EPB41L3: variants seen among roughly 807,000 people sequenced by gnomAD.
EPB41L3 encodes erythrocyte membrane protein band 4.1 like 3.
In EPB41L3, 57 loss-of-function variants were observed where a neutral mutation model predicts 127.1. The ratio of observed to expected loss-of-function variants is 0.45; its 90% CI spans 0.36 to 0.56. EPB41L3 has a LOEUF of 0.56. EPB41L3 is among the 20% of genes least tolerant of loss of function. EPB41L3 has a pLI of 0.00. For synonymous variants in EPB41L3, 572 were observed against 549.5 expected (o/e 1.04, Z -0.57); for missense variants, 1,273 against 1,372.2 (o/e 0.93, Z 1.14).
At chr18:5,407,611 T>A in intron 15 of EPB41L3, 90 bp downstream of exon 15, 1 of 1,376,586 alleles carries the variant, frequency 7.3e-7, no homozygotes, top group South Asian at 1.2e-5. Context: ...CAGAGCATGC[T>A]GAAAGATCTG....
At chr18:5,454,184 G>A (rs1370369642) in intron 3 of EPB41L3, among the ~76,000 whole-genome samples, 2 of 149,308 alleles carry the variant, frequency 1.3e-5, no homozygotes, top group Non-Finnish European at 3.0e-5. Flanking sequence ...TTTAAGCGGA[G>A]AGTGTGTTTT....
rs547443575 is a variant in EPB41L3 at position 5,407,601 on chromosome 18, C to T, written c.2157+100G>A. 6.5e-5 allele frequency: 82 copies of T among 1,264,460 alleles called. No individual in the cohort carries two copies. In the East Asian group the frequency reaches 9.9e-4, roughly 15 times the overall value. 78.3% of individuals were successfully genotyped at this position (1,264,460 alleles called of 1,614,324 possible). ...GCACCAACAACATGGTAACCAGCTA[C>T]AGAGCATGCTGAAAGATCTGAACGC... On this transcript the variant is annotated intron_variant, in intron 15 of 22. Coordinates refer to ENST00000341928, the MANE Select transcript of EPB41L3 (RefSeq NM_012307.5).
rs111274175 is a variant in EPB41L3 at position 5,416,319 on chromosome 18, G to A, written c.1566C>T (p.Pro522=). The stretch of plus-strand genomic sequence containing the variant: ...TCCTACGGAGCTCTGTGGGAGATGT[G>A]GGGGCACAATGGGTGGATGGGGGTG... ...PLSPPSTHCA[P]TSPTELRRRC... Residue 522 remains proline, a synonymous_variant, in exon 13 of 23, where the codon CCC becomes CCT. Coordinates refer to ENST00000341928, the MANE Select transcript of EPB41L3 (RefSeq NM_012307.5). The A allele has an allele frequency of 1.6e-3, 2,502 of 1,614,012 alleles. 25 individuals carry two copies. The African/African-American group carries it at 0.026, about 17-fold the overall frequency.
At position 5,489,155 on chromosome 18, in the gene EPB41L3, T is replaced by A. The variant is rs1428045848; in HGVS notation, c.29A>T (p.Glu10Val). MTTESGSDS[E>V]SKPDQEAEPQ... The stretch of plus-strand genomic sequence containing the variant: ...CTCGGCCTCCTGGTCCGGCTTGGAT[T>A]CCGAGTCTGATCCAGATTCGGTCGT... Residue 10 changes from glutamate to valine, a missense_variant, in exon 2 of 23, where the codon GAA becomes GTA. Glu to Val is a moderately radical substitution (Grantham distance 121). This residue lies in a region of EPB41L3 where 182 missense variants were observed against 149.2 expected (regional missense o/e 1.22). Coordinates refer to ENST00000341928, the MANE Select transcript of EPB41L3 (RefSeq NM_012307.5). 2 of 1,597,422 alleles carry A rather than the reference T, an allele frequency of 1.3e-6. No individual in the cohort carries two copies. The highest frequency in any genetic ancestry group is 2.3e-5 in the East Asian group (1 of 43,818).
intron 1 of EPB41L3, among the ~76,000 whole-genome samples, chr18:5,525,696 T>C (rs562187350): frequency 3.5e-4 from 53 of 152,356 alleles, no homozygotes; most frequent in African/African-American, 1.3e-3. Flanking sequence ...TTATGTAATA[T>C]ATGAAATGAG....
At chr18:5,396,994 A>G (rs1479367918) in intron 18 of EPB41L3, 64 bp downstream of exon 18, 3 of 1,495,360 alleles carry the variant, frequency 2.0e-6, no homozygotes, top group East Asian at 4.5e-5. Context: ...ATGCTGATCT[A>G]AATTTCCAGG....
At chr18:5,423,354 T>C (rs376782025) in intron 11 of EPB41L3, 24 bp downstream of exon 11, 133 of 1,580,708 alleles carry the variant, frequency 8.4e-5, no homozygotes, top group Non-Finnish European at 1.1e-4. Flanking sequence ...ACTAGGTTAT[T>C]AAGGGCCAGT....
intron 3 of EPB41L3, among the ~76,000 whole-genome samples, chr18:5,451,987 C>T (rs57638823): frequency 1.4e-3 from 213 of 152,200 alleles, no homozygotes; most frequent in African/African-American, 4.8e-3. Flanking sequence ...TACACCTGCC[C>T]GCCACCACGT....
At chr18:5,464,542 T>C (rs2084613591) in intron 3 of EPB41L3, among the ~76,000 whole-genome samples, 1 of 152,196 alleles carries the variant, frequency 6.6e-6, no homozygotes, top group Admixed American at 6.5e-5. Context: ...TGTCCCAACA[T>C]GAAAATGAGT....
chr18:5,405,603 A>G (rs940504272), intron 16 of EPB41L3, among the ~76,000 whole-genome samples: 1 of 152,080 alleles, frequency 6.6e-6, no homozygotes, highest in African/African-American at 2.4e-5. Context: ...CAGCCTGACC[A>G]ACATGTTGAA....
At chr18:5,441,000 C>T (rs901592254) in intron 5 of EPB41L3, among the ~76,000 whole-genome samples, 2 of 152,258 alleles carry the variant, frequency 1.3e-5, no homozygotes, top group East Asian at 3.9e-4. Context: ...CCTCAGCCTC[C>T]CTAGTAGCCA....
At chr18:5,629,022 C>G (rs1385624017), upstream of EPB41L3, 1 of 152,228 alleles carries the variant, frequency 6.6e-6, no homozygotes, top group African/African-American at 2.4e-5. Flanking sequence ...CCCCCAGCGT[C>G]GCCTTCTCGG....
intron 1 of EPB41L3, among the ~76,000 whole-genome samples, chr18:5,533,960 C>T (rs1308271762): frequency 2.6e-5 from 4 of 152,176 alleles, no homozygotes; most frequent in Middle Eastern, 3.4e-3. Context: ...GTCAGGAGAT[C>T]GAGACCAGCC....
chr18:5,561,521 A>G (rs905257524), intron 3 of EPB41L3, among the ~76,000 whole-genome samples: 1 of 152,142 alleles, frequency 6.6e-6, no homozygotes, highest in African/African-American at 2.4e-5. Flanking sequence ...AAATAAATGA[A>G]CCAAAAAATA....
intron 3 of EPB41L3, among the ~76,000 whole-genome samples, chr18:5,469,245 G>A (rs1333956813): frequency 6.6e-6 from 1 of 152,228 alleles, no homozygotes; most frequent in East Asian, 1.9e-4. Flanking sequence ...GAGCCTCCCT[G>A]AGCCAGGGCT....
At chr18:5,523,026 T>C (rs1384201487) in intron 1 of EPB41L3, among the ~76,000 whole-genome samples, 1 of 152,122 alleles carries the variant, frequency 6.6e-6, no homozygotes, top group Non-Finnish European at 1.5e-5. Flanking sequence ...GCAATGAAAA[T>C]AATTCAAGGA....
At chr18:5,617,342 G>A (rs1012208245) in intron 1 of EPB41L3, among the ~76,000 whole-genome samples, 7 of 147,078 alleles carry the variant, frequency 4.8e-5, no homozygotes, top group Non-Finnish European at 7.4e-5. Context: ...TTTTTGAGAC[G>A]GAGTCTCACT....
At chr18:5,542,382 C>T (rs1205010471) in intron 1 of EPB41L3, among the ~76,000 whole-genome samples, 1 of 152,170 alleles carries the variant, frequency 6.6e-6, no homozygotes, top group Non-Finnish European at 1.5e-5. Context: ...TGGTGTGACG[C>T]TTCCTGTACT....
intron 5 of EPB41L3, 136 bp downstream of exon 5, chr18:5,443,702 T>A: frequency 1.6e-6 from 1 of 635,566 alleles, no homozygotes; most frequent in Non-Finnish European, 2.7e-6. Context: ...ATGAATACTA[T>A]CGGAATTGCC....
Sources: allele counts gnomAD v4.1 joint callset (sites outside exome capture counted in the v4.1 genomes callset), GRCh38; gene constraint gnomAD v4.1.1; regional missense constraint gnomAD v4.1.1; transcripts MANE v1.5; gene names NCBI Gene and HGNC (gene_info 2026-07-23, HGNC 2026-07-21).